CCDC152: variants seen among roughly 807,000 people sequenced by gnomAD.
CCDC152 encodes the protein coiled-coil domain-containing protein 152.
In CCDC152, 37 loss-of-function variants were observed where a neutral mutation model predicts 38.1. The ratio of observed to expected loss-of-function variants is 0.97; its 90% CI spans 0.75 to 1.28. The LOEUF is 1.28. CCDC152 is among the 50% of genes most tolerant of loss of function. The pLI is 0.00. For missense variants in CCDC152, 259 were observed against 292.1 expected (o/e 0.89, Z 0.83); for synonymous variants, 83 against 87.1 (o/e 0.95, Z 0.26).
intron 4 of CCDC152, among the ~76,000 whole-genome samples, chr5:42,775,930 T>TAAAAAAAAAA (rs1759763545): frequency 7.4e-6 from 1 of 135,912 alleles, no homozygotes; most frequent in Non-Finnish European, 1.6e-5. Flanking sequence ...AAAAAAAAAC[T>TAAAAAAAAAA]AAAATTAGAA....
intron 7 of CCDC152, among the ~76,000 whole-genome samples, chr5:42,799,008 ATATT>A (rs1380763430): frequency 1.3e-5 from 2 of 152,074 alleles, no homozygotes; most frequent in African/African-American, 4.8e-5. Flanking sequence ...ATTTTTACCT[ATATT>A]TAAGTTAAAC....
At chr5:42,761,325 A>C (rs912607856) in intron 2 of CCDC152, among the ~76,000 whole-genome samples, 2 of 152,220 alleles carry the variant, frequency 1.3e-5, no homozygotes, top group African/African-American at 4.8e-5. Context: ...GTTAAAAAGA[A>C]TGAGGTAGGC....
chr5:42,783,467 T>C lies in CCDC152; in HGVS notation c.328-7T>C. On this transcript the variant is annotated splice_region_variant and splice_polypyrimidine_tract_variant and intron_variant, in intron 5 of 8. Transcript: ENST00000361970. Reference sequence around the variant, plus strand: ...TTTTAAAAATTAATATATATTTTAATCTTTAGGAATATAAGAATAATATTG... The same window carrying C: ...TTTTAAAAATTAATATATATTTTAACCTTTAGGAATATAAGAATAATATTG... 1 of 1,146,342 alleles carries C rather than the reference T, an allele frequency of 8.7e-7. No individual in the cohort carries two copies. 71.0% of individuals were successfully genotyped at this position (1,146,342 alleles called of 1,614,324 possible). A position where few individuals can be genotyped will look rare whatever the true frequency, so the allele number is the denominator to read the frequency against.
chr5:42,782,490 T>G (rs191030222), intron 5 of CCDC152, among the ~76,000 whole-genome samples: 1 of 152,288 alleles, frequency 6.6e-6, no homozygotes, highest in Admixed American at 6.5e-5. Context: ...ATGGAATTCA[T>G]GAAGCAGAGA....
In CCDC152 at chr5:42,796,911, T is replaced by G. The variant is rs1169838290; in HGVS notation, c.513T>G (p.Ser171Arg). Residue 171 changes from serine (S) to arginine (R), a missense_variant, in exon 7 of 9, where the codon AGT becomes AGG. Ser to Arg is a moderately radical substitution (Grantham distance 110, BLOSUM62 -1). Coordinates refer to ENST00000361970, the MANE Select transcript of CCDC152 (RefSeq NM_001134848.2). ...EISELNAKLR[S>R]QEKEKQNEII... Reference sequence around the variant, plus strand: ...CAGAGTTAAATGCAAAGCTAAGAAGTCAAGAAAAAGAAAAACAAAATGAAA... The same window carrying G: ...CAGAGTTAAATGCAAAGCTAAGAAGGCAAGAAAAAGAAAAACAAAATGAAA... 6.5e-7 allele frequency: 1 copy of G among 1,529,870 alleles called. No homozygotes were observed. The highest frequency in any genetic ancestry group is 8.8e-7 in the Non-Finnish European group (1 of 1,140,842). 94.8% of individuals were successfully genotyped at this position (1,529,870 alleles called of 1,614,324 possible).
At position 42,785,035 on chromosome 5, in the gene CCDC152, C is replaced by T. The variant is rs184873826; in HGVS notation, c.430+1459C>T. ...TGTAGAATAGTTTGAAGTAGGGTAA[C>T]GTGATGCCTCCATCTTTGTTCTTTT... is the stretch of plus-strand genomic sequence containing the variant. On this transcript the variant is annotated intron_variant, in intron 6 of 8. Coordinates refer to ENST00000361970, the MANE Select transcript of CCDC152 (RefSeq NM_001134848.2). 4.6e-5 allele frequency among the ~76,000 whole-genome samples: 7 copies of T among 152,014 alleles called. No individual in the cohort carries two copies. The East Asian group carries it at 1.4e-3, about 29-fold the overall frequency.
intron 2 of CCDC152, among the ~76,000 whole-genome samples, chr5:42,760,657 CTTCTT>C (rs1472468871): frequency 6.6e-6 from 1 of 152,192 alleles, no homozygotes; most frequent in African/African-American, 2.4e-5. Context: ...TCTGTTTTCT[CTTCTT>C]TTCTTGTAAT....
At chr5:42,770,867 T>A (rs1265763290) in intron 4 of CCDC152, among the ~76,000 whole-genome samples, 1 of 152,190 alleles carries the variant, frequency 6.6e-6, no homozygotes, top group East Asian at 1.9e-4. Flanking sequence ...TTTGGTTAAT[T>A]CTTAAGTATT....
chr5:42,776,093 A>C (rs1305525424), intron 4 of CCDC152, among the ~76,000 whole-genome samples: 1 of 152,140 alleles, frequency 6.6e-6, no homozygotes, highest in Non-Finnish European at 1.5e-5. Flanking sequence ...TATTAATCCA[A>C]CTTTATCAAA....
rs1561280375 is a variant in CCDC152 at position 42,796,256 on chromosome 5, A to ATT, written c.431-573_431-572insTT. Among the ~76,000 whole-genome samples the ATT allele has an allele frequency of 3.0e-4, 45 of 151,556 alleles. No individual in the cohort carries two copies. In the East Asian group the frequency reaches 4.3e-3, roughly 14 times the overall value. ...TAAAGTATAATAATAATAAAATTAA[A>ATT]AAAAAAAAAAAGAAAGCTAGGAAGC... On this transcript the variant is annotated intron_variant, in intron 6 of 8. Coordinates refer to ENST00000361970, the MANE Select transcript of CCDC152 (RefSeq NM_001134848.2).
chr5:42,799,084 A>G (rs1451776377), intron 7 of CCDC152, among the ~76,000 whole-genome samples: 2 of 152,190 alleles, frequency 1.3e-5, no homozygotes, highest in Non-Finnish European at 2.9e-5. Context: ...AGATGACGCT[A>G]GCTGCACACC....
At chr5:42,796,421 A>G (rs942437253) in intron 6 of CCDC152, among the ~76,000 whole-genome samples, 9 of 152,142 alleles carry the variant, frequency 5.9e-5, no homozygotes, top group Admixed American at 1.3e-4. Flanking sequence ...AAGCATAAAG[A>G]TATGATGTGA....
Position 42,801,285 on chromosome 5 carries a change from A to G in CCDC152, c.*1504A>G, listed in dbSNP as rs753914899. 1 of 1,613,438 alleles carries G rather than the reference A, an allele frequency of 6.2e-7. No individual in the cohort carries two copies. The highest frequency in any genetic ancestry group is 1.7e-5 in the Admixed American group (1 of 59,922). On this transcript the variant is annotated 3_prime_UTR_variant, in exon 9 of 9. Transcript: ENST00000361970. ...CGATGGAGTTTCAACTGTTTTATCC[A>G]CAGTAGCCAAAGATACACGTTTACA...
intron 4 of CCDC152, 117 bp downstream of exon 4, chr5:42,769,782 CCTTA>C: frequency 8.6e-7 from 1 of 1,163,878 alleles, no homozygotes; most frequent in Non-Finnish European, 1.1e-6. Flanking sequence ...AAAGAGGACT[CCTTA>C]CTACTTAAAA....
At chr5:42,787,239 C>T (rs1259582548) in intron 6 of CCDC152, among the ~76,000 whole-genome samples, 2 of 151,888 alleles carry the variant, frequency 1.3e-5, no homozygotes, top group East Asian at 3.9e-4. Flanking sequence ...GACTGGTCTC[C>T]AAGCTTTTAA....
chr5:42,761,033 T>C (rs1333941196), intron 2 of CCDC152, among the ~76,000 whole-genome samples: 1 of 152,154 alleles, frequency 6.6e-6, no homozygotes, highest in Admixed American at 6.5e-5. Context: ...ACAGATGAAA[T>C]AACATAATGT....
chr5:42,780,372 GT>G (rs898415282), intron 5 of CCDC152, among the ~76,000 whole-genome samples: 1 of 152,108 alleles, frequency 6.6e-6, no homozygotes, highest in Non-Finnish European at 1.5e-5. Flanking sequence ...TTTTGAGATG[GT>G]TTTTAAGTAT....
At chr5:42,789,096 A>T (rs965300733) in intron 6 of CCDC152, among the ~76,000 whole-genome samples, 1 of 152,242 alleles carries the variant, frequency 6.6e-6, no homozygotes, top group African/African-American at 2.4e-5. Flanking sequence ...GACCACCAAC[A>T]GTATTGCCCA....
At chr5:42,761,381 A>G (rs1759550975) in intron 2 of CCDC152, among the ~76,000 whole-genome samples, 2 of 152,194 alleles carry the variant, frequency 1.3e-5, no homozygotes, top group Admixed American at 1.3e-4. Context: ...TTGGGAGGCC[A>G]AGGCAGGTAG....
Sources: allele counts gnomAD v4.1 joint callset (sites outside exome capture counted in the v4.1 genomes callset), GRCh38; gene constraint gnomAD v4.1.1; transcripts MANE v1.5; gene names NCBI Gene and HGNC (gene_info 2026-07-23, HGNC 2026-07-21).